Variants in PPM1D observed in about 807,000 individuals in gnomAD.
PPM1D encodes protein phosphatase 1D.
PPM1D carries 52 observed loss-of-function variants against 58.3 expected under a neutral mutation model. The observed-to-expected ratio is 0.89, with a 90% CI of 0.71 to 1.12. The LOEUF (loss-of-function observed/expected upper bound fraction) is 1.12, where lower values mean the gene tolerates loss of function less well. Among genes scored for constraint, PPM1D ranks in the 50% most tolerant of loss-of-function variants. The pLI, the probability that PPM1D is intolerant of heterozygous loss-of-function variation, is 0.00. For missense variants in PPM1D, 564 were observed against 777.2 expected, an observed-to-expected ratio of 0.73 and a Z score of 3.26; for synonymous variants, 278 against 285.1, an observed-to-expected ratio of 0.98 and a Z score of 0.25.
chr17:60,611,101 A>T (rs113473823), intron 1 of PPM1D, among the ~76,000 whole-genome samples: 84 of 151,728 alleles, frequency 5.5e-4, no homozygotes, highest in African/African-American at 2.0e-3. Context: ...GCTCATTGCA[A>T]CCTCTGCCTC....
At chr17:60,631,193 G>A (rs1228020829) in intron 2 of PPM1D, among the ~76,000 whole-genome samples, 1 of 151,934 alleles carries the variant, frequency 6.6e-6, no homozygotes, top group Non-Finnish European at 1.5e-5. Context: ...AAAATTACAT[G>A]CCTTTGGTCC....
rs2031586494 is a variant in PPM1D at position 60,664,625 on chromosome 17, T to A, written c.*1073T>A. ...ATACTGAGCTTTTGAGTGTTCCCAA[T>A]CTGAAATTCAAAATGCTCTAATGAG... is the stretch of plus-strand genomic sequence containing the variant. On this transcript the variant is annotated 3_prime_UTR_variant, in exon 6 of 6. Transcript: ENST00000305921. 1.3e-5 allele frequency: 2 copies of A among 152,284 alleles called. No individual in the cohort carries two copies. Among genetic ancestry groups the A allele is most frequent in the East Asian group, 3.9e-4 (2 of 5,178 alleles). The allele number at this position is 152,284 out of a possible 1,614,324, so 9.4% of individuals were successfully genotyped here.
chr17:60,645,624 G>GTATATATATGTGTGTATA (rs1239111532), intron 3 of PPM1D, among the ~76,000 whole-genome samples: 140 of 131,772 alleles, frequency 1.1e-3, no homozygotes, highest in African/African-American at 4.1e-3. Context: ...ATATATATAT[G>GTATATATATGTGTGTATA]TATATGTATA....
At position 60,665,743 on chromosome 17, in the gene PPM1D, C is replaced by T. The variant is rs1385620708; in HGVS notation, c.*2191C>T. The T allele has an allele frequency of 6.6e-6, 1 of 152,140 alleles. No individual in the cohort carries two copies. The highest frequency in any genetic ancestry group is 1.5e-5 in the Non-Finnish European group (1 of 68,034). The allele number at this position is 152,140 out of a possible 1,614,324, so 9.4% of individuals were successfully genotyped here. On this transcript the variant is annotated 3_prime_UTR_variant, in exon 6 of 6. Transcript: ENST00000305921. Reference sequence around the variant, plus strand: ...TAGTCTCGTGGTTTTGGTCAAGCTACCAACCAGGGCTACAATCTTTCGAAG... The same window carrying T: ...TAGTCTCGTGGTTTTGGTCAAGCTATCAACCAGGGCTACAATCTTTCGAAG...
chr17:60,630,502 G>A (rs534607320), intron 2 of PPM1D, among the ~76,000 whole-genome samples: 11 of 152,056 alleles, frequency 7.2e-5, no homozygotes, highest in Admixed American at 3.3e-4. Context: ...CCTAGGCAAC[G>A]GGCCAGCATT....
intron 1 of PPM1D, among the ~76,000 whole-genome samples, chr17:60,606,563 G>A (rs1042706373): frequency 6.6e-6 from 1 of 151,026 alleles, no homozygotes; most frequent in African/African-American, 2.4e-5. Flanking sequence ...GTTAACTTTT[G>A]TATTAAAAAA....
chr17:60,602,800 A>G lies in PPM1D; in HGVS notation c.472+1914A>G, dbSNP rs1598397277. ...GCTTGAAAAAAAAAAAAAAAAAAAAAGTATGCTAATTATTTTGGGAGTCTT... is the reference window on the plus strand; with the variant it reads ...GCTTGAAAAAAAAAAAAAAAAAAAAGGTATGCTAATTATTTTGGGAGTCTT... On this transcript the variant is annotated intron_variant, in intron 1 of 5. Transcript: ENST00000305921. Among the ~76,000 whole-genome samples, 5 of 136,816 alleles carry G rather than the reference A, an allele frequency of 3.7e-5. No individual in the cohort carries two copies. In the South Asian group the frequency reaches 9.7e-4, roughly 26 times the overall value. The allele number at this position is 136,816 out of a possible 152,430, so 89.8% of individuals were successfully genotyped here.
At chr17:60,631,378 C>G (rs2030917015) in intron 2 of PPM1D, among the ~76,000 whole-genome samples, 1 of 152,076 alleles carries the variant, frequency 6.6e-6, no homozygotes, top group African/African-American at 2.4e-5. Flanking sequence ...GTGACTCATG[C>G]CTGTAAGACT....
chr17:60,665,612 G>GTA lies in PPM1D; in HGVS notation c.*2062_*2063dup, dbSNP rs2143737615. The stretch of plus-strand genomic sequence containing the variant: ...TCTTATGCCACAAGGATTAAAATAT[G>GTA]TATTCATTGCTACAAAACAATATCT... On this transcript the variant is annotated 3_prime_UTR_variant, in exon 6 of 6. Transcript: ENST00000305921. 1 of 152,330 alleles carries GTA rather than the reference G, an allele frequency of 6.6e-6. No homozygotes were observed. The highest frequency in any genetic ancestry group is 6.5e-5 in the Admixed American group (1 of 15,298). The allele number at this position is 152,330 out of a possible 1,614,324, so 9.4% of individuals were successfully genotyped here. A position where few individuals can be genotyped will look rare whatever the true frequency, so the allele number is the denominator to read the frequency against.
In PPM1D at chr17:60,600,984, A is replaced by T. The variant is rs2030196938; in HGVS notation, c.472+98A>T. 6 of 1,523,842 alleles carry T rather than the reference A, an allele frequency of 3.9e-6. No homozygotes were observed. The East Asian group carries it at 1.4e-4, about 35-fold the overall frequency. 94.4% of individuals were successfully genotyped at this position (1,523,842 alleles called of 1,614,324 possible). On this transcript the variant is annotated intron_variant, in intron 1 of 5. Coordinates refer to ENST00000305921, the MANE Select transcript of PPM1D (RefSeq NM_003620.4). ...GTGGGCCCCCGGCACCCAGAGCGCA[A>T]CCAAAGTATACACTGATGGAAGTGA...
intron 1 of PPM1D, among the ~76,000 whole-genome samples, chr17:60,618,868 C>T (rs2030638341): frequency 6.6e-6 from 1 of 152,086 alleles, no homozygotes; most frequent in Admixed American, 6.6e-5. Context: ...ATTAACACAT[C>T]CATCACCTCA....
chr17:60,606,676 G>A (rs1161964882), intron 1 of PPM1D, among the ~76,000 whole-genome samples: 1 of 152,082 alleles, frequency 6.6e-6, no homozygotes, highest in African/African-American at 2.4e-5. Context: ...GACCTCTCTT[G>A]TCTTTCTAAT....
chr17:60,616,287 C>CA (rs540660869), intron 1 of PPM1D, among the ~76,000 whole-genome samples: 12,501 of 70,080 alleles, frequency 0.18, 885 homozygotes, highest in African/African-American at 0.31. Flanking sequence ...GGCTCTGTCT[C>CA]AAAAAAAAAA....
chr17:60,656,802 T>C lies in PPM1D; in HGVS notation c.1221T>C (p.Cys407=), dbSNP rs189669693. The C allele has an allele frequency of 1.9e-6, 3 of 1,614,050 alleles. No homozygotes were observed. The highest frequency in any genetic ancestry group is 4.5e-5 in the East Asian group (2 of 44,866). Residue 407 remains cysteine, a synonymous_variant, in exon 5 of 6, where the codon TGT becomes TGC. Coordinates refer to ENST00000305921, the MANE Select transcript of PPM1D (RefSeq NM_003620.4). The part of the protein sequence containing the change: ...DSPSYNSQET[C]VMTPSPCSTP... ...CTTCCTATAATAGTCAAGAAACCTG[T>C]GTGATGACTCCTTCCCCATGTTCTA...
chr17:60,634,527 C>T (rs1433570768), intron 3 of PPM1D, among the ~76,000 whole-genome samples: 1 of 152,194 alleles, frequency 6.6e-6, no homozygotes, highest in East Asian at 1.9e-4. Flanking sequence ...CATATCTAGG[C>T]TTAATGTTAC....
At position 60,664,820 on chromosome 17, in the gene PPM1D, G is replaced by A. The variant is rs2031589524; in HGVS notation, c.*1268G>A. ...TATTTATTATTTTGTTTGTTTGTTT[G>A]AGATGGAGTCTCACTCTGTCATCCA... On this transcript the variant is annotated 3_prime_UTR_variant, in exon 6 of 6. Transcript: ENST00000305921. 6.6e-6 allele frequency: 1 copy of A among 152,098 alleles called. No homozygotes were observed. The highest frequency in any genetic ancestry group is 6.6e-5 in the Admixed American group (1 of 15,252). The allele number at this position is 152,098 out of a possible 1,614,324, so 9.4% of individuals were successfully genotyped here.
Position 60,623,525 on chromosome 17 carries a change from A to G in PPM1D, c.477A>G (p.Glu159=). 6.2e-7 allele frequency: 1 copy of G among 1,604,728 alleles called. No homozygotes were observed. The highest frequency in any genetic ancestry group is 8.5e-7 in the Non-Finnish European group (1 of 1,172,906). ...ATATTTTATTTCTTATTACAGCGGA[A>G]TGGCCAAAGACTATGACGGGTCTTC... The part of the protein sequence containing the change: ...CHLAMWKKLA[E]WPKTMTGLPS... The change falls in exon 2 of 6, where the codon GAA becomes GAG. Residue 159 remains glutamate, a synonymous_variant. Coordinates refer to ENST00000305921, the MANE Select transcript of PPM1D (RefSeq NM_003620.4).
chr17:60,626,943 A>G (rs892643357), intron 2 of PPM1D, among the ~76,000 whole-genome samples: 8 of 152,082 alleles, frequency 5.3e-5, no homozygotes, highest in Admixed American at 6.5e-5. Flanking sequence ...TTCTTTTAAT[A>G]TTTATTATTC....
At chr17:60,628,924 T>C (rs937686984) in intron 2 of PPM1D, among the ~76,000 whole-genome samples, 2 of 152,216 alleles carry the variant, frequency 1.3e-5, no homozygotes, top group African/African-American at 4.8e-5. Context: ...CCTTCTGGAA[T>C]TTTAAGATCT....
Sources: allele counts gnomAD v4.1 joint callset (sites outside exome capture counted in the v4.1 genomes callset), GRCh38; gene constraint gnomAD v4.1.1; transcripts MANE v1.5; gene names NCBI Gene and HGNC (gene_info 2026-07-23, HGNC 2026-07-21).